PIK3C2A: variants seen among roughly 807,000 people sequenced by gnomAD.
PIK3C2A encodes the protein phosphatidylinositol 4-phosphate 3-kinase C2 domain-containing subunit alpha.
A neutral mutation model predicts 204.5 loss-of-function variants in PIK3C2A; 97 were observed. The ratio of observed to expected loss-of-function variants is 0.47; its 90% CI spans 0.40 to 0.56. The LOEUF is 0.56. Ranked by LOEUF, PIK3C2A falls within the 20% of genes least tolerant of loss-of-function variation. The probability of loss-of-function intolerance (pLI) is 0.00; values close to 1 mark genes in which losing one functional copy is unlikely to be tolerated. For synonymous variants in PIK3C2A, 653 were observed against 664.4 expected (o/e 0.98, Z 0.26); for missense variants, 1,735 against 1,969.2 (o/e 0.88, Z 2.25).
intron 2 of PIK3C2A, among the ~76,000 whole-genome samples, chr11:17,159,467 C>T (rs76089800): frequency 2.0e-5 from 3 of 152,222 alleles, no homozygotes; most frequent in African/African-American, 7.2e-5. Flanking sequence ...TTTAGGTCAT[C>T]GTCTAGAAAT....
chr11:17,163,243 T>C (rs923154279), intron 2 of PIK3C2A, among the ~76,000 whole-genome samples: 1 of 151,942 alleles, frequency 6.6e-6, no homozygotes, highest in Non-Finnish European at 1.5e-5. Flanking sequence ...GAGGTGGAGG[T>C]TGCAGTGTGC....
chr11:17,154,602 T>A (rs781616783), intron 3 of PIK3C2A, among the ~76,000 whole-genome samples: 27 of 152,130 alleles, frequency 1.8e-4, no homozygotes, highest in Non-Finnish European at 2.9e-4. Flanking sequence ...ACAAGGACTG[T>A]TGTTCCACTC....
intron 20 of PIK3C2A, among the ~76,000 whole-genome samples, chr11:17,113,015 T>G (rs1316459259): frequency 6.6e-6 from 1 of 151,998 alleles, no homozygotes; most frequent in Admixed American, 6.6e-5. Context: ...TTCATTTTAT[T>G]TATTTATTTT....
chr11:17,173,526 T>A (rs555492276), intron 1 of PIK3C2A, among the ~76,000 whole-genome samples: 1 of 152,316 alleles, frequency 6.6e-6, no homozygotes, highest in Admixed American at 6.5e-5. Context: ...TGGCTAATAT[T>A]ACACTGGCAT....
chr11:17,103,908 T>C lies in PIK3C2A; in HGVS notation c.3682-1077A>G, dbSNP rs188969302. On this transcript the variant is annotated intron_variant, in intron 23 of 32. Coordinates refer to ENST00000691414, the MANE Select transcript of PIK3C2A (RefSeq NM_002645.4). ...ACCAGGAATCACAAAAGGGCCAACA[T>C]TACTAAAACAAGTATTGGCTTCTGC... Among the ~76,000 whole-genome samples the C allele has an allele frequency of 9.1e-3, 1,384 of 152,322 alleles. 9 individuals are homozygous for C. Among genetic ancestry groups the C allele is most frequent in the Non-Finnish European group, 0.016 (1,060 of 68,028 alleles).
intron 27 of PIK3C2A, 25 bp from the exon 28 acceptor site, chr11:17,094,410 A>T: frequency 6.3e-7 from 1 of 1,588,006 alleles, no homozygotes; most frequent in Admixed American, 1.7e-5. Context: ...CACCACAAAC[A>T]CATAAAATTT....
chr11:17,181,667 C>CAA (rs1851569411), intron 1 of PIK3C2A, among the ~76,000 whole-genome samples: 1 of 111,342 alleles, frequency 9.0e-6, no homozygotes, highest in Non-Finnish European at 1.8e-5. Context: ...TATACACACA[C>CAA]ACACACACAC....
chr11:17,092,094 T>C (rs1848327923), intron 29 of PIK3C2A, 26 bp from the exon 30 acceptor site: 1 of 1,540,856 alleles, frequency 6.5e-7, no homozygotes, highest in Non-Finnish European at 9.0e-7. Context: ...AAGCAATTCA[T>C]TAGTTTAAAT....
At position 17,168,952 on chromosome 11, in the gene PIK3C2A, C is replaced by T. The variant is rs774351816; in HGVS notation, c.790G>A (p.Asp264Asn). ...SNLQVSPKSE[D>N]ISKFDWLDLD... is the part of the protein sequence containing the mutation. ...TCTAACCAGTCAAATTTACTGATAT[C>T]CTCAGACTTTGGAGATACCTGTAGA... The change falls in exon 2 of 33, where the codon GAT (aspartate) becomes AAT (asparagine). Residue 264 changes from aspartate (D) to asparagine (N), a missense_variant. By Grantham distance (23) the Asp-to-Asn change is conservative. Transcript: ENST00000691414. The T allele has an allele frequency of 1.9e-6, 3 of 1,613,978 alleles. No individual in the cohort carries two copies. The highest frequency in any genetic ancestry group is 2.2e-5 in the East Asian group (1 of 44,892).
intron 32 of PIK3C2A, among the ~76,000 whole-genome samples, chr11:17,090,241 G>C (rs1484647246): frequency 6.6e-6 from 1 of 152,214 alleles, no homozygotes; most frequent in Non-Finnish European, 1.5e-5. Context: ...GGCTGAGGCG[G>C]GTAGATCACC....
intron 1 of PIK3C2A, among the ~76,000 whole-genome samples, chr11:17,187,792 T>C (rs894245831): frequency 6.6e-6 from 1 of 151,704 alleles, no homozygotes; most frequent in Non-Finnish European, 1.5e-5. Context: ...AGAAGATATA[T>C]ACTCGCTCAC....
In PIK3C2A at chr11:17,089,955, A is replaced by G. The variant is rs780946065; in HGVS notation, c.4879-35T>C. ...AGGAAAAAAGAACAGTAAATCACAA[A>G]TTAAAGTTTGTTTGGTTTCTTGGAA... is the stretch of plus-strand genomic sequence containing the variant. On this transcript the variant is annotated intron_variant, in intron 32 of 32. Transcript: ENST00000691414. 7.5e-6 allele frequency: 11 copies of G among 1,463,144 alleles called. No individual in the cohort carries two copies. In the African/African-American group the frequency reaches 1.1e-4, roughly 15 times the overall value. 90.6% of individuals were successfully genotyped at this position (1,463,144 alleles called of 1,614,324 possible).
Position 17,168,918 on chromosome 11 carries a change from GGA to G in PIK3C2A, c.822_823del (p.Pro275SerfsTer3). 6.2e-7 allele frequency: 1 copy of G among 1,613,734 alleles called. No homozygotes were observed. Among genetic ancestry groups the G allele is most frequent in the Non-Finnish European group, 8.5e-7 (1 of 1,179,694 alleles). On this transcript the variant is annotated frameshift_variant, in exon 2 of 33. Transcript: ENST00000691414. LOFTEE classifies it high-confidence loss of function. Reference sequence around the variant, plus strand: ...ATTATCCACCTTAGGCTTACTTAGAGGATCCAAGTCTAACCAGTCAAATTTAC... The same window carrying G: ...ATTATCCACCTTAGGCTTACTTAGAGTCCAAGTCTAACCAGTCAAATTTAC...
chr11:17,144,506 G>C (rs1850166581), intron 8 of PIK3C2A, among the ~76,000 whole-genome samples: 1 of 152,194 alleles, frequency 6.6e-6, no homozygotes, highest in African/African-American at 2.4e-5. Context: ...CTTGGCAACA[G>C]AGCTGAAGTG....
intron 13 of PIK3C2A, among the ~76,000 whole-genome samples, chr11:17,127,780 ATT>A (rs1849570183): frequency 6.6e-6 from 1 of 152,212 alleles, no homozygotes; most frequent in African/African-American, 2.4e-5. Flanking sequence ...CATTCTCGGT[ATT>A]TGTTTTAAGT....
intron 8 of PIK3C2A, among the ~76,000 whole-genome samples, chr11:17,141,808 G>A (rs1850073122): frequency 6.6e-6 from 1 of 152,242 alleles, no homozygotes; most frequent in African/African-American, 2.4e-5. Flanking sequence ...GTTGACTAGA[G>A]TATAGCTTTG....
intron 13 of PIK3C2A, among the ~76,000 whole-genome samples, chr11:17,126,287 G>GCA (rs1361635880): frequency 6.6e-6 from 1 of 151,930 alleles, no homozygotes; most frequent in Non-Finnish European, 1.5e-5. Flanking sequence ...GGTAGCTCAC[G>GCA]CCTATAATCT....
rs1852649629 is a variant in PIK3C2A at position 17,207,896 on chromosome 11, C to G, written c.-114G>C. The stretch of plus-strand genomic sequence containing the variant: ...TCTACCACAACCTGAGCCGCCGAAG[C>G]CGCCACAGTCCGAGCCATTTTTCCC... On this transcript the variant is annotated 5_prime_UTR_variant, in exon 1 of 33. Coordinates refer to ENST00000691414, the MANE Select transcript of PIK3C2A (RefSeq NM_002645.4). 1 of 152,716 alleles carries G rather than the reference C, an allele frequency of 6.5e-6. No individual in the cohort carries two copies. Among genetic ancestry groups the G allele is most frequent in the Non-Finnish European group, 1.5e-5 (1 of 68,458 alleles). The allele number at this position is 152,716 out of a possible 1,614,324, so 9.5% of individuals were successfully genotyped here.
chr11:17,148,588 T>C lies in PIK3C2A; in HGVS notation c.1448+79A>G, dbSNP rs1013518497. 4 of 1,283,330 alleles carry C rather than the reference T, an allele frequency of 3.1e-6. No homozygotes were observed. The East Asian group carries it at 7.2e-5, about 23-fold the overall frequency. 79.5% of individuals were successfully genotyped at this position (1,283,330 alleles called of 1,614,324 possible). Reference sequence around the variant, plus strand: ...ATCCAATGTATTTCTGCATTATAAATTTAACTTGAAATTTTTCTAGATTAA... The same window carrying C: ...ATCCAATGTATTTCTGCATTATAAACTTAACTTGAAATTTTTCTAGATTAA... On this transcript the variant is annotated intron_variant, in intron 5 of 32. Coordinates refer to ENST00000691414, the MANE Select transcript of PIK3C2A (RefSeq NM_002645.4).
Sources: gnomAD v4.1 joint callset for allele counts (sites outside exome capture counted in the v4.1 genomes callset) on GRCh38, gnomAD v4.1.1 for gene constraint, MANE v1.5 for transcripts, NCBI Gene and HGNC (gene_info 2026-07-23, HGNC 2026-07-21) for gene names.